The following DNM3 variants were observed in gnomAD, a reference collection of about 807,000 sequenced individuals.
DNM3 encodes dynamin 3.
A neutral mutation model predicts 101.6 loss-of-function variants in DNM3; 47 were observed. The observed-to-expected ratio is 0.46, with a 90% CI of 0.37 to 0.59. The LOEUF is 0.59. Ranked by LOEUF, DNM3 falls within the 20% of genes least tolerant of loss-of-function variation. DNM3 has a pLI of 0.00. For missense variants in DNM3, 849 were observed against 1,085.7 expected, an observed-to-expected ratio of 0.78 and a Z score of 3.06; for synonymous variants, 385 against 387.9, an observed-to-expected ratio of 0.99 and a Z score of 0.09.
chr1:172,070,813 G>A (rs2052102909), intron 11 of DNM3, among the ~76,000 whole-genome samples: 1 of 151,954 alleles, frequency 6.6e-6, no homozygotes, highest in Non-Finnish European at 1.5e-5. Flanking sequence ...AAGGCCAGGT[G>A]TAGTGGCTCA....
chr1:172,319,117 G>A (rs2148902505), intron 16 of DNM3, among the ~76,000 whole-genome samples: 1 of 152,300 alleles, frequency 6.6e-6, no homozygotes, highest in Middle Eastern at 3.4e-3. Context: ...TGACAAACCT[G>A]AGAAAAACAA....
At position 171,940,350 on chromosome 1, in the gene DNM3, T is replaced by C. The variant is rs1276307197; in HGVS notation, c.235+18529T>C. ...ATTTATTCATTCATCTCTTCATTAA[T>C]GGATTTTGAATGCCTGCAGTGTGCT... On this transcript the variant is annotated intron_variant, in intron 2 of 20. Coordinates refer to ENST00000627582, the MANE Select transcript of DNM3 (RefSeq NM_015569.5). Among the ~76,000 whole-genome samples, 5 of 152,208 alleles carry C rather than the reference T, an allele frequency of 3.3e-5. No individual in the cohort carries two copies. In the South Asian group the frequency reaches 6.2e-4, roughly 19 times the overall value.
chr1:171,933,370 A>G (rs1301900632), intron 2 of DNM3, among the ~76,000 whole-genome samples: 2 of 152,232 alleles, frequency 1.3e-5, no homozygotes, highest in Non-Finnish European at 2.9e-5. Context: ...TCATTCATTT[A>G]TTCAACAAAT....
At chr1:172,216,219 C>T (rs1422287428) in intron 14 of DNM3, among the ~76,000 whole-genome samples, 1 of 151,952 alleles carries the variant, frequency 6.6e-6, no homozygotes, top group Admixed American at 6.6e-5. Context: ...AGTGGCTTCT[C>T]CATCGAAGGT....
chr1:171,936,884 T>G lies in DNM3; in HGVS notation c.235+15063T>G, dbSNP rs549740810. On this transcript the variant is annotated intron_variant, in intron 2 of 20. Coordinates refer to ENST00000627582, the MANE Select transcript of DNM3 (RefSeq NM_015569.5). ...TAAGCAATGATGAATCATCACATTC[T>G]GGGAGAGGGGCTCCACAATGGGGGT... Among the ~76,000 whole-genome samples, 3 of 21,328 alleles carry G rather than the reference T, an allele frequency of 1.4e-4. No homozygotes were observed. In the East Asian group the frequency reaches 2.5e-3, roughly 18 times the overall value. The allele number at this position is 21,328 out of a possible 152,430, so 14.0% of individuals were successfully genotyped here.
chr1:172,308,965 G>A (rs2064966170), intron 16 of DNM3, 126 bp downstream of exon 16: 10 of 475,446 alleles, frequency 2.1e-5, no homozygotes, highest in Non-Finnish European at 3.6e-5. Flanking sequence ...TACACTTTTA[G>A]CTGATACTTC....
intron 2 of DNM3, among the ~76,000 whole-genome samples, chr1:171,949,446 G>A (rs1375599787): frequency 6.6e-6 from 1 of 152,180 alleles, no homozygotes; most frequent in Non-Finnish European, 1.5e-5. Context: ...CTCTCCTGCT[G>A]TCAGCCAAGC....
intron 14 of DNM3, among the ~76,000 whole-genome samples, chr1:172,239,497 G>A (rs1330283224): frequency 1.3e-5 from 2 of 152,126 alleles, no homozygotes; most frequent in Non-Finnish European, 2.9e-5. Context: ...AGAAATCGAG[G>A]AACTTACAGA....
intron 14 of DNM3, among the ~76,000 whole-genome samples, chr1:172,143,993 C>T (rs1235949135): frequency 6.6e-6 from 1 of 152,062 alleles, no homozygotes; most frequent in Non-Finnish European, 1.5e-5. Context: ...GGAAAAATGA[C>T]TTCAGTCCTG....
chr1:171,926,412 T>C (rs1451389317), intron 2 of DNM3, among the ~76,000 whole-genome samples: 4 of 152,200 alleles, frequency 2.6e-5, no homozygotes, highest in African/African-American at 9.7e-5. Flanking sequence ...ATGCACTAAG[T>C]GTCAAACTTT....
At chr1:171,880,335 G>A (rs1247751646) in intron 1 of DNM3, among the ~76,000 whole-genome samples, 3 of 152,204 alleles carry the variant, frequency 2.0e-5, no homozygotes, top group Non-Finnish European at 4.4e-5. Flanking sequence ...ATAGTCAGAT[G>A]TGCCAGGTGG....
chr1:172,280,416 G>A (rs892488805), intron 15 of DNM3, among the ~76,000 whole-genome samples: 1 of 152,094 alleles, frequency 6.6e-6, no homozygotes, highest in African/African-American at 2.4e-5. Flanking sequence ...TATCCTGAGG[G>A]CCTAGAACAC....
At chr1:171,933,513 A>C (rs1464681599) in intron 2 of DNM3, among the ~76,000 whole-genome samples, 1 of 152,230 alleles carries the variant, frequency 6.6e-6, no homozygotes, top group Admixed American at 6.5e-5. Context: ...TGAGTGTTCA[A>C]GCCACGCTGA....
In DNM3 at chr1:171,864,734, CCTT is replaced by C. The variant is rs1421210150; in HGVS notation, c.161+22918_161+22920del. The C allele has an allele frequency of 3.3e-5, 5 of 152,112 alleles. No homozygotes were observed. In the East Asian group the frequency reaches 5.8e-4, roughly 18 times the overall value. The allele number at this position is 152,112 out of a possible 1,614,324, so 9.4% of individuals were successfully genotyped here. On this transcript the variant is annotated intron_variant, in intron 1 of 20. Coordinates refer to ENST00000627582, the MANE Select transcript of DNM3 (RefSeq NM_015569.5). ...GCTTGCTTTTTTCAATAAATTCCCT[CCTT>C]AAAAATTTTTATATAGATTGAATAT...
chr1:172,379,763 C>T (rs905206613), intron 18 of DNM3, among the ~76,000 whole-genome samples: 1 of 151,856 alleles, frequency 6.6e-6, no homozygotes, highest in African/African-American at 2.4e-5. Flanking sequence ...CTTGACTAGC[C>T]ATCAATGGGT....
intron 1 of DNM3, among the ~76,000 whole-genome samples, chr1:171,881,921 T>C (rs188024917): frequency 1.3e-5 from 2 of 152,368 alleles, no homozygotes; most frequent in East Asian, 3.9e-4. Flanking sequence ...TCCTAGAATT[T>C]CTTTTAAAAT....
chr1:171,904,957 T>C (rs2038695555), intron 1 of DNM3, among the ~76,000 whole-genome samples: 1 of 152,148 alleles, frequency 6.6e-6, no homozygotes, highest in Admixed American at 6.5e-5. Flanking sequence ...CCTTGCCTAA[T>C]TTTCCTTCAT....
In DNM3 at chr1:171,877,970, G is replaced by A. The variant is rs1337311240; in HGVS notation, c.161+36153G>A. On this transcript the variant is annotated intron_variant, in intron 1 of 20. Transcript: ENST00000627582. ...TGTACTTGCTCAGCTGTATTGCTTC[G>A]TTGACTCATTTAGAGTTTCTATAGT... 3.3e-5 allele frequency among the ~76,000 whole-genome samples: 5 copies of A among 152,092 alleles called. No individual in the cohort carries two copies. The East Asian group carries it at 7.7e-4, about 23-fold the overall frequency.
chr1:172,356,506 C>T (rs890278498), intron 17 of DNM3, among the ~76,000 whole-genome samples: 4 of 151,716 alleles, frequency 2.6e-5, no homozygotes, highest in Non-Finnish European at 4.4e-5. Flanking sequence ...GAAAATTTGA[C>T]GGGGTTTTAA....
Sources: gnomAD v4.1 joint callset for allele counts (sites outside exome capture counted in the v4.1 genomes callset) on GRCh38, gnomAD v4.1.1 for gene constraint, MANE v1.5 for transcripts, NCBI Gene and HGNC (gene_info 2026-07-23, HGNC 2026-07-21) for gene names.